DACH1: variants seen among roughly 807,000 people sequenced by gnomAD.
DACH1 encodes the protein dachshund homolog 1.
Under a neutral mutation model 54.2 loss-of-function variants are expected in DACH1, and 12 were observed. The ratio of observed to expected loss-of-function variants is 0.22; its 90% CI spans 0.14 to 0.36. The LOEUF is 0.36. DACH1 is among the 10% of genes least tolerant of loss of function. DACH1 has a pLI of 1.00. For synonymous variants in DACH1, 386 were observed against 366.2 expected, an observed-to-expected ratio of 1.05 and a Z score of -0.62; for missense variants, 805 against 929.8, an observed-to-expected ratio of 0.87 and a Z score of 1.75.
At chr13:71,841,216 A>G (rs1295091012) in intron 1 of DACH1, among the ~76,000 whole-genome samples, 9 of 152,188 alleles carry the variant, frequency 5.9e-5, no homozygotes, top group Admixed American at 5.9e-4. Context: ...CAGGGTTTCT[A>G]ACAGCATTAA....
At chr13:71,563,917 GAC>G (rs1327711135) in intron 4 of DACH1, among the ~76,000 whole-genome samples, 8 of 151,690 alleles carry the variant, frequency 5.3e-5, no homozygotes, top group South Asian at 4.2e-4. Flanking sequence ...TATAAATTGA[GAC>G]ACAACATATT....
At chr13:71,821,897 C>T (rs1226830598) in intron 1 of DACH1, among the ~76,000 whole-genome samples, 1 of 151,980 alleles carries the variant, frequency 6.6e-6, no homozygotes, top group Non-Finnish European at 1.5e-5. Flanking sequence ...CCTGTCTCTA[C>T]TAAAAATACA....
chr13:71,696,070 G>A (rs1193634223), intron 1 of DACH1, among the ~76,000 whole-genome samples: 2 of 152,100 alleles, frequency 1.3e-5, no homozygotes, highest in Admixed American at 6.6e-5. Flanking sequence ...ATGAGATCTA[G>A]GGAGGGGCGT....
intron 3 of DACH1, among the ~76,000 whole-genome samples, chr13:71,618,678 C>T (rs953023037): frequency 1.7e-4 from 26 of 151,262 alleles, no homozygotes; most frequent in South Asian, 4.2e-4. Context: ...GGGGAAGGCA[C>T]GAGGTAAAAA....
intron 2 of DACH1, among the ~76,000 whole-genome samples, chr13:71,658,075 G>C (rs1272873593): frequency 6.6e-6 from 1 of 152,090 alleles, no homozygotes; most frequent in Non-Finnish European, 1.5e-5. Flanking sequence ...CCATAACTCT[G>C]TAGTCTTAAA....
intron 6 of DACH1, among the ~76,000 whole-genome samples, chr13:71,509,393 C>T (rs1469049107): frequency 6.6e-6 from 1 of 151,820 alleles, no homozygotes; most frequent in East Asian, 1.9e-4. Context: ...TAAAATATAA[C>T]TAGTAGAAAA....
At chr13:71,469,214 G>A (rs1367077333) in intron 10 of DACH1, among the ~76,000 whole-genome samples, 2 of 152,036 alleles carry the variant, frequency 1.3e-5, no homozygotes, top group African/African-American at 4.8e-5. Context: ...AGAATACACA[G>A]GAAAGGCTCA....
intron 7 of DACH1, among the ~76,000 whole-genome samples, chr13:71,482,906 T>C (rs969049344): frequency 1.3e-5 from 2 of 151,756 alleles, no homozygotes; most frequent in African/African-American, 4.8e-5. Context: ...GTTCAAGCGA[T>C]TCTCCTGCCT....
chr13:71,470,892 G>C (rs972617149), intron 10 of DACH1, among the ~76,000 whole-genome samples: 2 of 152,140 alleles, frequency 1.3e-5, no homozygotes, highest in Admixed American at 6.5e-5. Flanking sequence ...AGAAGGCATT[G>C]AACAAGGAAC....
intron 6 of DACH1, among the ~76,000 whole-genome samples, chr13:71,538,534 C>T (rs533237261): frequency 7.2e-5 from 11 of 152,034 alleles, no homozygotes; most frequent in Middle Eastern, 3.4e-3. Flanking sequence ...ATGTGAACTT[C>T]GAAGGGAAAC....
At chr13:71,812,155 A>G (rs577167689) in intron 1 of DACH1, among the ~76,000 whole-genome samples, 14 of 152,300 alleles carry the variant, frequency 9.2e-5, no homozygotes, top group Middle Eastern at 3.4e-3. Flanking sequence ...CTCAAAGAAT[A>G]TATGTTTAAA....
chr13:71,583,370 T>C (rs1426314962), intron 3 of DACH1, among the ~76,000 whole-genome samples: 1 of 152,116 alleles, frequency 6.6e-6, no homozygotes, highest in African/African-American at 2.4e-5. Context: ...TGGTAAAAAA[T>C]AAATAATGAA....
chr13:71,673,585 G>A lies in DACH1; in HGVS notation c.964+8210C>T, dbSNP rs73523410. Among the ~76,000 whole-genome samples the A allele has an allele frequency of 7.6e-3, 1,156 of 151,968 alleles. 21 individuals are homozygous for A. The highest frequency in any genetic ancestry group is 0.026 in the African/African-American group (1,095 of 41,410). On this transcript the variant is annotated intron_variant, in intron 2 of 10. Transcript: ENST00000613252. ...TTCCCATGGACACGGGGTGGGTGGGGGACACCACACACCGGTGCCTGTTGG... is the reference window on the plus strand; with the variant it reads ...TTCCCATGGACACGGGGTGGGTGGGAGACACCACACACCGGTGCCTGTTGG...
chr13:71,788,007 T>C (rs764871869), intron 1 of DACH1, among the ~76,000 whole-genome samples: 5 of 152,194 alleles, frequency 3.3e-5, no homozygotes, highest in Admixed American at 1.3e-4. Context: ...TAGAATTTAG[T>C]GACAGTTTAA....
chr13:71,727,914 G>T (rs1883547237), intron 1 of DACH1, among the ~76,000 whole-genome samples: 1 of 151,976 alleles, frequency 6.6e-6, no homozygotes, highest in African/African-American at 2.4e-5. Context: ...TCTTCTCTGG[G>T]GAGTAGATCT....
chr13:71,446,995 G>A (rs907409069), intron 10 of DACH1, among the ~76,000 whole-genome samples: 1 of 152,176 alleles, frequency 6.6e-6, no homozygotes, highest in African/African-American at 2.4e-5. Flanking sequence ...TAGGGATTGA[G>A]CGAAACTATT....
At chr13:71,536,840 T>A (rs1014392916) in intron 6 of DACH1, among the ~76,000 whole-genome samples, 5 of 152,084 alleles carry the variant, frequency 3.3e-5, no homozygotes, top group African/African-American at 1.2e-4. Context: ...ACCACTTCAA[T>A]CAATCCATTT....
chr13:71,708,751 C>T (rs1423567312), intron 1 of DACH1, among the ~76,000 whole-genome samples: 3 of 152,058 alleles, frequency 2.0e-5, no homozygotes, highest in East Asian at 3.9e-4. Context: ...TTGTTTGTTA[C>T]CAACTTTTCT....
chr13:71,654,478 A>ATAAAATAAAATAAAATAAAG (rs1878950033), intron 2 of DACH1, among the ~76,000 whole-genome samples: 1 of 139,094 alleles, frequency 7.2e-6, no homozygotes, highest in African/African-American at 2.8e-5. Flanking sequence ...ATAAAATAAA[A>ATAAAATAAAATAAAATAAAG]TAAAATAAAA....
Sources: gnomAD v4.1 joint callset for allele counts (sites outside exome capture counted in the v4.1 genomes callset) on GRCh38, gnomAD v4.1.1 for gene constraint, MANE v1.5 for transcripts, NCBI Gene and HGNC (gene_info 2026-07-23, HGNC 2026-07-21) for gene names.